The following PHLDB1 variants were observed in gnomAD, a reference collection of about 807,000 sequenced individuals.
PHLDB1 encodes pleckstrin homology-like domain family B member 1.
A neutral mutation model predicts 139.3 loss-of-function variants in PHLDB1; 65 were observed. The observed-to-expected ratio is 0.47, with a 90% CI of 0.38 to 0.57. PHLDB1 has a LOEUF of 0.57. Among genes scored for constraint, PHLDB1 ranks in the 20% least tolerant of loss-of-function variants. The probability of loss-of-function intolerance (pLI) is 0.00; values close to 1 mark genes in which losing one functional copy is unlikely to be tolerated. For synonymous variants in PHLDB1, 679 were observed against 734.5 expected (o/e 0.92, Z 1.22); for missense variants, 1,624 against 1,839.7 (o/e 0.88, Z 2.14).
chr11:118,650,017 T>C lies in PHLDB1; in HGVS notation c.3655-60T>C. 1 of 1,265,070 alleles carries C rather than the reference T, an allele frequency of 7.9e-7. No homozygotes were observed. The allele number at this position is 1,265,070 out of a possible 1,614,324, so 78.4% of individuals were successfully genotyped here. ...GGTTTAGAAGTGAAGCCAAGGGGCC[T>C]GGACAGGGGAATAATGAGGGAAGAG... On this transcript the variant is annotated intron_variant, in intron 18 of 22. Transcript: ENST00000600882. This position sits in a 1 kb window ranked among gnomAD's most constrained non-coding sequence, Gnocchi z 4.7.
intron 14 of PHLDB1, 57 bp downstream of exon 14, chr11:118,643,997 G>C (rs782503670): frequency 1.4e-4 from 222 of 1,598,748 alleles, no homozygotes; most frequent in Middle Eastern, 3.3e-4. Flanking sequence ...CTTCCACCCT[G>C]GGGAGAGGCC....
At chr11:118,637,382 C>A (rs1555116435) in intron 10 of PHLDB1, 1 of 152,186 alleles carries the variant, frequency 6.6e-6, no homozygotes, top group Non-Finnish European at 1.5e-5. Flanking sequence ...GCTGTTGTCG[C>A]CCAGGCTGGG....
At chr11:118,625,751 G>A (rs566964914) in intron 5 of PHLDB1, among the ~76,000 whole-genome samples, 1 of 152,326 alleles carries the variant, frequency 6.6e-6, no homozygotes, top group East Asian at 1.9e-4. Context: ...AGCAGCCTAA[G>A]TGGATAGCCT....
At chr11:118,614,827 C>G in intron 3 of PHLDB1, 145 bp downstream of exon 3, 2 of 724,216 alleles carry the variant, frequency 2.8e-6, no homozygotes, top group Non-Finnish European at 4.5e-6. Flanking sequence ...CTTCCCTTGT[C>G]TCTGCCTCCC....
chr11:118,655,201 T>A (rs1440545517), intron 20 of PHLDB1: 1 of 173,390 alleles, frequency 5.8e-6, no homozygotes, highest in Non-Finnish European at 1.3e-5. Flanking sequence ...CTCCTAAATG[T>A]AAGCATTGGA....
intron 4 of PHLDB1, among the ~76,000 whole-genome samples, chr11:118,618,592 G>A (rs1052614495): frequency 6.6e-6 from 1 of 151,996 alleles, no homozygotes; most frequent in African/African-American, 2.4e-5. Flanking sequence ...GGGCGGCAGG[G>A]GTGAACTCAG....
rs781907394 is a variant in PHLDB1, at chr11:118,628,365, T to A, written c.1542T>A (p.Arg514=). The A allele has an allele frequency of 3.1e-6, 5 of 1,611,402 alleles. No homozygotes were observed. Among genetic ancestry groups the A allele is most frequent in the Non-Finnish European group, 4.2e-6 (5 of 1,178,988 alleles). The change falls in exon 6 of 23, where the codon CGT becomes CGA. Residue 514 remains arginine, a synonymous_variant. Transcript: ENST00000600882. ...DFSLTLGARG[R]RTRSPSPTLG... is the part of the protein sequence containing the mutation. ...CCCTGACGCTGGGGGCACGGGGCCG[T>A]AGGACACGGAGCCCCTCACCCACAC...
chr11:118,609,170 GTCACACACACAGCCCAGC>G (rs1401443736), intron 1 of PHLDB1, among the ~76,000 whole-genome samples: 1 of 77,212 alleles, frequency 1.3e-5, no homozygotes, highest in Non-Finnish European at 2.5e-5. Flanking sequence ...CAAGCAGCCC[GTCACACACACAGCCCAGC>G]TCACACACAC....
chr11:118,632,672 T>C lies in PHLDB1; in HGVS notation c.2379+376T>C, dbSNP rs1488066393. ...CGGGTCCCACCATCTGGAGAACATC[T>C]CCCTCCAAGCATGCCACAAGTGCTT... On this transcript the variant is annotated intron_variant, in intron 9 of 22. Transcript: ENST00000600882. The surrounding 1 kb of genome is among the most constrained non-coding windows in gnomAD (Gnocchi z 5.9). The C allele has an allele frequency of 2.3e-5, 5 of 218,782 alleles. No individual in the cohort carries two copies. The East Asian group carries it at 5.5e-4, about 24-fold the overall frequency. 13.6% of individuals were successfully genotyped at this position (218,782 alleles called of 1,614,324 possible). A position where few individuals can be genotyped will look rare whatever the true frequency, so the allele number is the denominator to read the frequency against.
intron 18 of PHLDB1, among the ~76,000 whole-genome samples, chr11:118,649,759 T>C (rs934392596): frequency 1.2e-4 from 18 of 152,334 alleles, no homozygotes; most frequent in African/African-American, 3.6e-4. Flanking sequence ...ACCACGTTCA[T>C]ATCTGGCCTC....
chr11:118,631,453 A>G lies in PHLDB1; in HGVS notation c.2074A>G (p.Ser692Gly). 1.4e-6 allele frequency: 2 copies of G among 1,436,560 alleles called. No individual in the cohort carries two copies. The highest frequency in any genetic ancestry group is 2.7e-5 in the Admixed American group (1 of 37,618). 89.0% of individuals were successfully genotyped at this position (1,436,560 alleles called of 1,614,324 possible). The change falls in exon 7 of 23, where the codon AGC becomes GGC. Residue 692 changes from serine (S) to glycine (G), a missense_variant. Transcript: ENST00000600882. ...SDEENLKEEC[S>G]STESTQQEHE... ...TGAGGAAAATCTCAAGGAGGAGTGC[A>G]GCAGCACTGAGAGCACCCAGCAGGA...
At chr11:118,617,568 C>T (rs922165913) in intron 4 of PHLDB1, among the ~76,000 whole-genome samples, 2 of 151,926 alleles carry the variant, frequency 1.3e-5, no homozygotes, top group Admixed American at 6.6e-5. Flanking sequence ...TAGGCTCAAG[C>T]GATTCTCCTG....
At chr11:118,616,464 T>G (rs1941664184) in intron 4 of PHLDB1, among the ~76,000 whole-genome samples, 1 of 152,010 alleles carries the variant, frequency 6.6e-6, no homozygotes, top group Non-Finnish European at 1.5e-5. Flanking sequence ...AGAGAAGAGG[T>G]TCTGATTCCC....
rs114249368 is a variant in PHLDB1, at chr11:118,620,112, T to C, written c.355+3901T>C. ...TGTGAGCTGCTGAGAGCATAAAACA[T>C]TGTGTCCCGTAAGGCTCTGGTGTGC... On this transcript the variant is annotated intron_variant, in intron 4 of 22. Coordinates refer to ENST00000600882, the MANE Select transcript of PHLDB1 (RefSeq NM_001144758.3). This position sits in a 1 kb window ranked among gnomAD's most constrained non-coding sequence, Gnocchi z 4.1. Among the ~76,000 whole-genome samples, 564 of 152,278 alleles carry C rather than the reference T, an allele frequency of 3.7e-3. 2 individuals are homozygous for C. Among genetic ancestry groups the C allele is most frequent in the African/African-American group, 0.013 (522 of 41,546 alleles).
At chr11:118,609,419 A>G (rs1939737703) in intron 1 of PHLDB1, among the ~76,000 whole-genome samples, 1 of 145,162 alleles carries the variant, frequency 6.9e-6, no homozygotes, top group South Asian at 2.2e-4. Flanking sequence ...AGCCCAGCTC[A>G]CACATACACT....
chr11:118,649,992 G>A, intron 18 of PHLDB1, 85 bp from the exon 19 acceptor site: 3 of 968,812 alleles, frequency 3.1e-6, no homozygotes, highest in Non-Finnish European at 5.0e-6. Flanking sequence ...AGGCTGTTGG[G>A]GTTTAGAAGT....
chr11:118,648,714 A>C lies in PHLDB1; in HGVS notation c.3654+638A>C, dbSNP rs543831590. On this transcript the variant is annotated intron_variant, in intron 18 of 22. Coordinates refer to ENST00000600882, the MANE Select transcript of PHLDB1 (RefSeq NM_001144758.3). ...AAAGCCAGCCCTACCCTTTCTCCTT[A>C]AACAGGAGACTTGAGCAGAACAATT... Among the ~76,000 whole-genome samples the C allele has an allele frequency of 1.1e-4, 17 of 152,286 alleles. 1 individual carries two copies. The East Asian group carries it at 3.3e-3, about 29-fold the overall frequency.
intron 5 of PHLDB1, among the ~76,000 whole-genome samples, chr11:118,626,257 T>TA (rs1392742913): frequency 8.6e-5 from 13 of 151,750 alleles, no homozygotes; most frequent in African/African-American, 3.1e-4. Context: ...TTTTTTTTTT[T>TA]ACCCCTGGGC....
chr11:118,654,713 C>CTTTTTTTTTTT (rs5795131), intron 20 of PHLDB1: 9 of 83,500 alleles, frequency 1.1e-4, no homozygotes, highest in Non-Finnish European at 1.7e-4. Context: ...CTTTCTTTCT[C>CTTTTTTTTTTT]TTTTTTTTTT....
Sources: gnomAD v4.1 joint callset for allele counts (sites outside exome capture counted in the v4.1 genomes callset) on GRCh38, gnomAD v4.1.1 for gene constraint, Gnocchi (gnomAD v3.1) non-coding constraint, MANE v1.5 for transcripts, NCBI Gene and HGNC (gene_info 2026-07-23, HGNC 2026-07-21) for gene names.